POLH: variants seen among roughly 807,000 people sequenced by gnomAD.
The protein encoded by POLH is DNA polymerase eta, also known as DNA polymerase eta transcript.
In POLH, 53 loss-of-function variants were observed where a neutral mutation model predicts 73.6. The observed-to-expected ratio is 0.72, with a 90% CI of 0.58 to 0.91. The LOEUF is 0.91. Ranked by LOEUF, POLH falls within the 40% of genes least tolerant of loss-of-function variation. POLH has a pLI of 0.00. For synonymous variants in POLH, 292 were observed against 308.5 expected (o/e 0.95, Z 0.56); for missense variants, 768 against 865.4 (o/e 0.89, Z 1.41).
intron 4 of POLH, among the ~76,000 whole-genome samples, chr6:43,589,951 T>C (rs748536221): frequency 1.3e-5 from 2 of 152,194 alleles, no homozygotes; most frequent in African/African-American, 2.4e-5. Context: ...GAATTCATTT[T>C]TATTTACTTT....
Position 43,583,052 on chromosome 6 carries a change from A to T in POLH, c.183A>T (p.Arg61Ser). 6.2e-7 allele frequency: 1 copy of T among 1,613,586 alleles called. No homozygotes were observed. The highest frequency in any genetic ancestry group is 8.5e-7 in the Non-Finnish European group (1 of 1,179,576). The part of the protein sequence containing the change: ...SYEARAFGVT[R>S]SMWADDAKKL... ...AAGCTCGTGCATTTGGAGTCACTAG[A>T]AGTATGTGGGCAGATGATGCTAAGA... The change falls in exon 3 of 11, where the codon AGA (arginine) becomes AGT (serine). Residue 61 changes from arginine to serine, a missense_variant. Arg to Ser is a moderately radical substitution (Grantham distance 110). Coordinates refer to ENST00000372236, the MANE Select transcript of POLH (RefSeq NM_006502.3).
intron 1 of POLH, among the ~76,000 whole-genome samples, chr6:43,580,475 AGT>A: frequency 6.8e-6 from 1 of 146,826 alleles, no homozygotes; most frequent in African/African-American, 2.5e-5. Flanking sequence ...CTCACTTCCC[AGT>A]AGGGGCGGCC....
At chr6:43,583,783 T>G (rs749126402) in intron 3 of POLH, among the ~76,000 whole-genome samples, 1 of 152,212 alleles carries the variant, frequency 6.6e-6, no homozygotes, top group Non-Finnish European at 1.5e-5. Context: ...AGGTAGGTAC[T>G]AATATTACTC....
Position 43,605,304 on chromosome 6 carries a change from T to G in POLH, c.1059T>G (p.Thr353=), listed in dbSNP as rs1277186123. 6.3e-7 allele frequency: 1 copy of G among 1,583,888 alleles called. No homozygotes were observed. Among genetic ancestry groups the G allele is most frequent in the Admixed American group, 1.7e-5 (1 of 59,910 alleles). The change falls in exon 9 of 11, where the codon ACT becomes ACG. Residue 353 remains threonine (T), a synonymous_variant. Transcript: ENST00000372236. The stretch of plus-strand genomic sequence containing the variant: ...CCCAGGAACTAGAGGAGAGACTGAC[T>G]AAAGACCGAAATGATGTAAGATTTT... ...QLAQELEERL[T]KDRNDNDRVA...
In POLH at chr6:43,614,138, G is replaced by C; in HGVS notation, c.1723G>C (p.Val575Leu). Residue 575 changes from valine (V) to leucine (L), a missense_variant, in exon 11 of 11, where the codon GTC becomes CTC. Physicochemically the swap from Val to Leu is conservative, Grantham distance 32 (BLOSUM62 1). Transcript: ENST00000372236. ...NSLPTEYPGC[V>L]PVCEGVSKLE... The stretch of plus-strand genomic sequence containing the variant: ...TTTACCAACAGAGTATCCAGGGTGT[G>C]TCCCTGTTTGTGAAGGGGTGTCGAA... The C allele has an allele frequency of 1.9e-6, 3 of 1,614,228 alleles. No homozygotes were observed. The highest frequency in any genetic ancestry group is 2.5e-6 in the Non-Finnish European group (3 of 1,180,042).
rs377430315 is a variant in POLH at position 43,583,148 on chromosome 6, A to G, written c.272+7A>G. The G allele has an allele frequency of 1.2e-6, 2 of 1,613,466 alleles. No individual in the cohort carries two copies. Among genetic ancestry groups the G allele is most frequent in the Non-Finnish European group, 1.7e-6 (2 of 1,179,564 alleles). On this transcript the variant is annotated splice_region_variant and intron_variant, in intron 3 of 10. Transcript: ENST00000372236. Reference sequence around the variant, plus strand: ...GGAAAGCTAACCTCACCAAGTAAGAAAAAAACATTATTTAAGGAGACATAA... The same window carrying G: ...GGAAAGCTAACCTCACCAAGTAAGAGAAAAACATTATTTAAGGAGACATAA...
chr6:43,596,857 T>C (rs770762187), intron 4 of POLH, among the ~76,000 whole-genome samples: 6 of 152,180 alleles, frequency 3.9e-5, no homozygotes, highest in Non-Finnish European at 7.3e-5. Context: ...TTCAAGGTCC[T>C]AAGTCCCAAG....
At chr6:43,601,797 G>A (rs1469587363) in intron 6 of POLH, among the ~76,000 whole-genome samples, 1 of 151,850 alleles carries the variant, frequency 6.6e-6, no homozygotes, top group African/African-American at 2.4e-5. Flanking sequence ...GGTGGCTCAC[G>A]CCTGTAATCC....
chr6:43,590,024 A>G (rs1272885811), intron 4 of POLH, among the ~76,000 whole-genome samples: 1 of 151,290 alleles, frequency 6.6e-6, no homozygotes, highest in Non-Finnish European at 1.5e-5. Flanking sequence ...TTGAAGGTTA[A>G]TTTTTTTTTC....
chr6:43,600,978 A>C lies in POLH; in HGVS notation c.661-10A>C, dbSNP rs376072346. 3.1e-5 allele frequency: 49 copies of C among 1,599,546 alleles called. 1 individual carries two copies. In the Middle Eastern group the frequency reaches 8.3e-4, roughly 27 times the overall value. ...CAGTAATGAGGTTTTTATACTTTGC[A>C]TGCTTCCAGGTCCTGGCAAAACTGG... On this transcript the variant is annotated splice_polypyrimidine_tract_variant and intron_variant, in intron 5 of 10. Transcript: ENST00000372236.
chr6:43,612,700 C>G (rs1319602646), intron 10 of POLH, among the ~76,000 whole-genome samples: 3 of 151,546 alleles, frequency 2.0e-5, no homozygotes, highest in Non-Finnish European at 4.4e-5. Context: ...CATTGAAGGA[C>G]TAATCTGTAC....
rs771645762 is a variant in POLH, at chr6:43,620,273, T to C, written c.*5716T>C. 5.8e-6 allele frequency: 3 copies of C among 517,500 alleles called. No homozygotes were observed. Among genetic ancestry groups the C allele is most frequent in the Non-Finnish European group, 1.2e-5 (3 of 259,620 alleles). 32.1% of individuals were successfully genotyped at this position (517,500 alleles called of 1,614,324 possible). ...TTTCACGTGAAAGGCCTCAGTATTC[T>C]GCTCACTTGAACTACGGAAAATAGG... On this transcript the variant is annotated 3_prime_UTR_variant, in exon 11 of 11. Coordinates refer to ENST00000372236, the MANE Select transcript of POLH (RefSeq NM_006502.3).
In POLH at chr6:43,603,916, G is replaced by C. The variant is rs754772016; in HGVS notation, c.789G>C (p.Gly263=). Residue 263 remains glycine, a synonymous_variant, in exon 7 of 11, where the codon GGG becomes GGC. Coordinates refer to ENST00000372236, the MANE Select transcript of POLH (RefSeq NM_006502.3). The part of the protein sequence containing the change: ...RKIRSLGGKL[G]ASVIEILGIE... ...GCCGTAGTCTTGGAGGAAAGCTAGG[G>C]GCCTCTGTCATTGAGATCCTAGGGA... The C allele has an allele frequency of 6.2e-7, 1 of 1,613,114 alleles. No homozygotes were observed. Among genetic ancestry groups the C allele is most frequent in the South Asian group, 1.1e-5 (1 of 91,052 alleles).
At position 43,616,084 on chromosome 6, in the gene POLH, C is replaced by A. The variant is rs970925675; in HGVS notation, c.*1527C>A. Among the ~76,000 whole-genome samples the A allele has an allele frequency of 6.6e-6, 1 of 151,744 alleles. No individual in the cohort carries two copies. Among genetic ancestry groups the A allele is most frequent in the Non-Finnish European group, 1.5e-5 (1 of 67,884 alleles). ...CGGGCGGATCACAAGGTCAGGAGAT[C>A]GAGACCACGGTGAAACCCCGTCTCT... is the stretch of plus-strand genomic sequence containing the variant. On this transcript the variant is annotated 3_prime_UTR_variant, in exon 11 of 11. Transcript: ENST00000372236.
chr6:43,608,903 C>T (rs1262832230), intron 9 of POLH, among the ~76,000 whole-genome samples: 4 of 152,206 alleles, frequency 2.6e-5, no homozygotes, highest in Admixed American at 2.6e-4. Flanking sequence ...TTTCTTGCTA[C>T]TTCTCTGACC....
intron 1 of POLH, among the ~76,000 whole-genome samples, chr6:43,578,005 C>T (rs1196800400): frequency 2.0e-5 from 3 of 150,792 alleles, no homozygotes; most frequent in African/African-American, 2.4e-5. Context: ...CACTTGAAAC[C>T]GGGAGATGGA....
At chr6:43,589,060 G>C (rs1407711800) in intron 4 of POLH, among the ~76,000 whole-genome samples, 2 of 151,100 alleles carry the variant, frequency 1.3e-5, no homozygotes, top group Admixed American at 6.6e-5. Context: ...AGATGGTCTC[G>C]ATCTCCTGAC....
rs1768621672 is a variant in POLH at position 43,620,241 on chromosome 6, CT to C, written c.*5685del. Reference sequence around the variant, plus strand: ...GGCCAACTCTTCAAATACAGGGTAGCTACCTATTTCACGTGAAAGGCCTCAG... The same window carrying C: ...GGCCAACTCTTCAAATACAGGGTAGCACCTATTTCACGTGAAAGGCCTCAG... On this transcript the variant is annotated 3_prime_UTR_variant, in exon 11 of 11. Transcript: ENST00000372236. 3 of 516,032 alleles carry C rather than the reference CT, an allele frequency of 5.8e-6. No individual in the cohort carries two copies. Among genetic ancestry groups the C allele is most frequent in the Non-Finnish European group, 1.2e-5 (3 of 259,340 alleles). 32.0% of individuals were successfully genotyped at this position (516,032 alleles called of 1,614,324 possible).
At chr6:43,595,700 G>A (rs1214925803) in intron 4 of POLH, among the ~76,000 whole-genome samples, 1 of 152,118 alleles carries the variant, frequency 6.6e-6, no homozygotes, top group African/African-American at 2.4e-5. Context: ...GGAGAATGGC[G>A]TGGACCCAGG....
Sources: gnomAD v4.1 joint callset for allele counts (sites outside exome capture counted in the v4.1 genomes callset) on GRCh38, gnomAD v4.1.1 for gene constraint, MANE v1.5 for transcripts, NCBI Gene and HGNC (gene_info 2026-07-23, HGNC 2026-07-21) for gene names.